Variants in AGBL1 observed in about 807,000 individuals in gnomAD.
AGBL1 encodes cytosolic carboxypeptidase 4.
A neutral mutation model predicts 118.9 loss-of-function variants in AGBL1; 130 were observed. The observed-to-expected ratio is 1.09, with a 90% CI of 0.95 to 1.26. The LOEUF (loss-of-function observed/expected upper bound fraction) is 1.26, where lower values mean the gene tolerates loss of function less well. AGBL1 is among the 50% of genes most tolerant of loss of function. The pLI is 0.00. For missense variants in AGBL1, 1,584 were observed against 1,298.1 expected (o/e 1.22, Z -3.38); for synonymous variants, 555 against 478.9 (o/e 1.16, Z -2.08).
intron 22 of AGBL1, among the ~76,000 whole-genome samples, chr15:86,678,723 A>G (rs139822125): frequency 6.6e-6 from 1 of 152,220 alleles, no homozygotes; most frequent in East Asian, 1.9e-4. Flanking sequence ...ATAACAGATA[A>G]ATTCACACCC....
In AGBL1 at chr15:86,976,274, T is replaced by C. The variant is rs191808473; in HGVS notation, c.3222-11713T>C. 6.2e-4 allele frequency among the ~76,000 whole-genome samples: 93 copies of C among 151,160 alleles called. 1 individual carries two copies. Among genetic ancestry groups the C allele is most frequent in the African/African-American group, 2.2e-3 (93 of 41,440 alleles). ...ATATGTATATATATGTGAATATGTA[T>C]CCATGTATAATTTTGGATGGTAGGG... On this transcript the variant is annotated intron_variant, in intron 23 of 24. Coordinates refer to the AGBL1 transcript ENST00000441037.
At chr15:86,876,360 A>G (rs985043782) in intron 22 of AGBL1, among the ~76,000 whole-genome samples, 2 of 152,128 alleles carry the variant, frequency 1.3e-5, no homozygotes, top group Non-Finnish European at 2.9e-5. Context: ...GGTGGAGGGA[A>G]AGCTGCACCG....
At chr15:86,102,335 C>T (rs960632194) in intron 1 of AGBL1, among the ~76,000 whole-genome samples, 2 of 152,126 alleles carry the variant, frequency 1.3e-5, no homozygotes, top group Non-Finnish European at 2.9e-5. Context: ...GTCACCGTAC[C>T]AGGGCTCCTT....
intron 22 of AGBL1, among the ~76,000 whole-genome samples, chr15:86,686,613 A>C (rs1295104093): frequency 6.6e-6 from 1 of 151,692 alleles, no homozygotes; most frequent in Non-Finnish European, 1.5e-5. Flanking sequence ...AATTTTTTGT[A>C]TCTTTAGTAG....
At chr15:86,343,329 G>A (rs1046364962) in intron 17 of AGBL1, among the ~76,000 whole-genome samples, 2 of 151,616 alleles carry the variant, frequency 1.3e-5, no homozygotes, top group Non-Finnish European at 2.9e-5. Flanking sequence ...CCCCTTAAGA[G>A]TCCAGCTTTT....
chr15:86,226,109 T>C (rs60435816), intron 6 of AGBL1, among the ~76,000 whole-genome samples: 2,657 of 151,962 alleles, frequency 0.017, 97 homozygotes, highest in African/African-American at 0.061. Context: ...AAGAGCAGGA[T>C]AGGGGAGTGA....
chr15:86,806,393 A>G (rs1440692901), intron 22 of AGBL1, among the ~76,000 whole-genome samples: 1 of 152,190 alleles, frequency 6.6e-6, no homozygotes, highest in African/African-American at 2.4e-5. Context: ...AAAGTGGCTG[A>G]GCAGAACTGA....
At chr15:86,580,280 T>C (rs1433352732) in intron 21 of AGBL1, among the ~76,000 whole-genome samples, 6 of 152,218 alleles carry the variant, frequency 3.9e-5, no homozygotes, top group African/African-American at 1.4e-4. Context: ...TCCTTGTTAC[T>C]ACTAACTTGC....
At chr15:86,537,741 A>G (rs2083445029) in intron 19 of AGBL1, among the ~76,000 whole-genome samples, 1 of 152,244 alleles carries the variant, frequency 6.6e-6, no homozygotes, top group South Asian at 2.1e-4. Context: ...TAATGGGTCC[A>G]TCTGCAAGTT....
At chr15:86,991,440 ATATTTATTTATT>A (rs543981363) in intron 24 of AGBL1, among the ~76,000 whole-genome samples, 10 of 151,456 alleles carry the variant, frequency 6.6e-5, no homozygotes, top group Admixed American at 3.3e-4. Context: ...TTTCAGATTT[ATATTTATTTATT>A]TATTTATTTA....
At chr15:87,008,422 A>G (rs1262463422) in intron 24 of AGBL1, among the ~76,000 whole-genome samples, 2 of 152,182 alleles carry the variant, frequency 1.3e-5, no homozygotes, top group Admixed American at 1.3e-4. Context: ...GCCTTCCGCC[A>G]TGATTGTGAG....
chr15:86,486,298 C>T lies in AGBL1; in HGVS notation c.2556-36512C>T, dbSNP rs549201745. On this transcript the variant is annotated intron_variant, in intron 18 of 22. Transcript: ENST00000614907. ...CCTTTTGCCCAGTTTACCTTTCCCT[C>T]GTTTGTCCCTTCTATTTCCATATTC... Among the ~76,000 whole-genome samples the T allele has an allele frequency of 7.2e-5, 11 of 152,196 alleles. No homozygotes were observed. In the South Asian group the frequency reaches 1.9e-3, roughly 26 times the overall value.
At chr15:86,228,080 T>A (rs1399245539) in intron 6 of AGBL1, among the ~76,000 whole-genome samples, 1 of 152,212 alleles carries the variant, frequency 6.6e-6, no homozygotes, top group Non-Finnish European at 1.5e-5. Context: ...AAGGGTCTGG[T>A]TATAGATGGT....
intron 13 of AGBL1, 119 bp from the exon 14 acceptor site, chr15:86,269,800 G>A (rs2079129035): frequency 8.5e-7 from 1 of 1,176,500 alleles, no homozygotes; most frequent in African/African-American, 1.6e-5. Context: ...CTTACCAGCT[G>A]GCTGAGATCC....
At chr15:86,636,748 T>TAC (rs2085099696) in intron 21 of AGBL1, among the ~76,000 whole-genome samples, 2 of 60,002 alleles carry the variant, frequency 3.3e-5, no homozygotes, top group African/African-American at 9.2e-5. Context: ...TATATATATA[T>TAC]ATATATATAT....
At chr15:86,704,550 C>T (rs1019933511) in intron 22 of AGBL1, among the ~76,000 whole-genome samples, 7 of 152,282 alleles carry the variant, frequency 4.6e-5, no homozygotes, top group African/African-American at 1.7e-4. Context: ...CATCACTGGT[C>T]ATTAGAGAAA....
intron 24 of AGBL1, chr15:87,028,707 A>G (rs1277448690): frequency 2.4e-6 from 2 of 838,516 alleles, no homozygotes; most frequent in Non-Finnish European, 3.9e-6. Context: ...TTTATAATCC[A>G]TAGATGAGGA....
intron 21 of AGBL1, among the ~76,000 whole-genome samples, chr15:86,561,782 A>C (rs577949146): frequency 6.6e-6 from 1 of 152,214 alleles, no homozygotes; most frequent in Non-Finnish European, 1.5e-5. Flanking sequence ...CTTCCTATCC[A>C]TGAGCATGGA....
chr15:86,268,635 A>G (rs546687342), intron 13 of AGBL1, among the ~76,000 whole-genome samples: 150 of 152,148 alleles, frequency 9.9e-4, no homozygotes, highest in Non-Finnish European at 1.8e-3. Context: ...TTTTGGAGAG[A>G]GCACTGTGGG....
Sources: gnomAD v4.1 joint callset for allele counts (sites outside exome capture counted in the v4.1 genomes callset) on GRCh38, gnomAD v4.1.1 for gene constraint, MANE v1.5 for transcripts, NCBI Gene and HGNC (gene_info 2026-07-23, HGNC 2026-07-21) for gene names.